The following GPHN variants were observed in gnomAD, a reference collection of about 807,000 sequenced individuals.
GPHN encodes the protein gephyrin.
GPHN carries 17 observed loss-of-function variants against 95.5 expected under a neutral mutation model. The observed-to-expected ratio is 0.18, with a 90% CI of 0.12 to 0.27. GPHN has a LOEUF of 0.27. Among genes scored for constraint, GPHN ranks in the 10% least tolerant of loss-of-function variants. GPHN has a pLI of 1.00. For synonymous variants in GPHN, 320 were observed against 322.5 expected, an observed-to-expected ratio of 0.99 and a Z score of 0.08; for missense variants, 660 against 978.1, an observed-to-expected ratio of 0.67 and a Z score of 4.34.
the GPHN span, among the ~76,000 whole-genome samples, chr14:67,712,800 G>A: frequency 6.6e-6 from 1 of 152,096 alleles, no homozygotes. Context: ...TACAGGGTGA[G>A]GTGACAGCCA....
intron 1 of GPHN, among the ~76,000 whole-genome samples, chr14:66,654,599 A>G (rs1435473266): frequency 6.6e-6 from 1 of 152,100 alleles, no homozygotes; most frequent in Non-Finnish European, 1.5e-5. Flanking sequence ...CTTGTTTCGT[A>G]GCCTCTTCTT....
At chr14:67,704,611 A>G in the GPHN span, among the ~76,000 whole-genome samples, 2 of 152,180 alleles carry the variant, frequency 1.3e-5, no homozygotes, top group South Asian at 2.1e-4. Context: ...TGCACTTCCC[A>G]TTTTAGCTTT....
chr14:66,768,355 G>C (rs10139125), intron 2 of GPHN, among the ~76,000 whole-genome samples: 46,095 of 151,758 alleles, frequency 0.3, 11,465 homozygotes, highest in African/African-American at 0.66. Context: ...TTATAGAGAA[G>C]ATAATCTCTC....
chr14:66,549,620 T>C (rs1044143520), intron 1 of GPHN, among the ~76,000 whole-genome samples: 2 of 152,190 alleles, frequency 1.3e-5, no homozygotes, highest in Admixed American at 1.3e-4. Context: ...GTTAAGATCA[T>C]TGATTAAGGT....
chr14:66,561,475 A>G (rs2060239862), intron 1 of GPHN, among the ~76,000 whole-genome samples: 1 of 152,204 alleles, frequency 6.6e-6, no homozygotes, highest in East Asian at 1.9e-4. Context: ...AATCTGAGGT[A>G]GCATGGACTA....
the GPHN span, among the ~76,000 whole-genome samples, chr14:67,274,678 T>C: frequency 6.6e-6 from 1 of 152,208 alleles, no homozygotes; most frequent in Non-Finnish European, 1.5e-5. Context: ...GGTAGCTTGA[T>C]GGGGATGGCA....
At chr14:67,243,536 A>G in the GPHN span, among the ~76,000 whole-genome samples, 101 of 127,488 alleles carry the variant, frequency 7.9e-4, 5 homozygotes, top group Non-Finnish European at 3.1e-5. Context: ...GCTGTCGCCC[A>G]GGCTGGAGTG....
At chr14:67,348,895 T>C in the GPHN span, 1 of 775,186 alleles carries the variant, frequency 1.3e-6, no homozygotes, top group South Asian at 1.9e-5. Context: ...TGGTTGTTAA[T>C]GATTTTAACA....
chr14:67,428,200 T>C, the GPHN span, among the ~76,000 whole-genome samples: 1 of 152,132 alleles, frequency 6.6e-6, no homozygotes. Context: ...ATTACAGGCA[T>C]GAGCCACCGT....
At chr14:66,807,078 G>A (rs1299304509) in intron 3 of GPHN, among the ~76,000 whole-genome samples, 2 of 152,190 alleles carry the variant, frequency 1.3e-5, no homozygotes, top group Non-Finnish European at 2.9e-5. Context: ...TGGCTGGGAG[G>A]CCTCACAATC....
In GPHN at chr14:67,143,398, C is replaced by T; in HGVS notation, c.1785C>T (p.Ile595=). The change falls in exon 18 of 23, where the codon ATC becomes ATT. Residue 595 remains isoleucine, a synonymous_variant. Coordinates refer to ENST00000478722, the MANE Select transcript of GPHN (RefSeq NM_020806.5). ...DDLLNALNEG[I]SRADVIITSG... ...TACTCAATGCCTTGAATGAGGGTAT[C>T]AGTCGTGCTGATGTCATCATCACAT... is the stretch of plus-strand genomic sequence containing the variant. 1 of 1,611,154 alleles carries T rather than the reference C, an allele frequency of 6.2e-7. No individual in the cohort carries two copies. Among genetic ancestry groups the T allele is most frequent in the Non-Finnish European group, 8.5e-7 (1 of 1,177,340 alleles).
chr14:66,608,999 T>A (rs1345207493), intron 1 of GPHN, among the ~76,000 whole-genome samples: 1 of 152,146 alleles, frequency 6.6e-6, no homozygotes, highest in Non-Finnish European at 1.5e-5. Flanking sequence ...TTGGCATTGA[T>A]ATGTGAAGTT....
intron 1 of GPHN, among the ~76,000 whole-genome samples, chr14:66,605,823 C>T (rs1408632323): frequency 1.3e-5 from 2 of 152,122 alleles, no homozygotes; most frequent in East Asian, 3.9e-4. Flanking sequence ...TGAGCCACCG[C>T]ACCTGGCCCC....
intron 1 of GPHN, among the ~76,000 whole-genome samples, chr14:66,548,967 G>A (rs992828467): frequency 1.3e-5 from 2 of 151,996 alleles, no homozygotes; most frequent in Non-Finnish European, 2.9e-5. Flanking sequence ...ACAAATGGTA[G>A]CATCTGTATT....
the GPHN span, among the ~76,000 whole-genome samples, chr14:67,530,546 T>C: frequency 1.3e-5 from 2 of 152,100 alleles, no homozygotes; most frequent in African/African-American, 4.8e-5. Flanking sequence ...ACTCCTAGAG[T>C]GGTTAGTTAG....
At chr14:67,320,779 A>G in the GPHN span, among the ~76,000 whole-genome samples, 1 of 152,214 alleles carries the variant, frequency 6.6e-6, no homozygotes, top group African/African-American at 2.4e-5. Flanking sequence ...GAAGATGAGT[A>G]GTAGTGTTTT....
the GPHN span, among the ~76,000 whole-genome samples, chr14:67,247,280 T>G: frequency 6.6e-6 from 1 of 152,368 alleles, no homozygotes; most frequent in Middle Eastern, 3.4e-3. Flanking sequence ...TTTTTGGTCC[T>G]ATTGTAAATG....
chr14:67,287,405 G>A, the GPHN span, among the ~76,000 whole-genome samples: 1 of 152,034 alleles, frequency 6.6e-6, no homozygotes, highest in Admixed American at 6.6e-5. Flanking sequence ...AGACTACAGG[G>A]ATATCAGTTA....
chr14:67,248,658 T>G, the GPHN span, among the ~76,000 whole-genome samples: 1 of 152,274 alleles, frequency 6.6e-6, no homozygotes. Context: ...TCGGTAAGTA[T>G]TTTAGCTTCG....
Sources: allele counts gnomAD v4.1 joint callset (sites outside exome capture counted in the v4.1 genomes callset), GRCh38; gene constraint gnomAD v4.1.1; transcripts MANE v1.5; gene names NCBI Gene and HGNC (gene_info 2026-07-23, HGNC 2026-07-21).